The following TGM4 variants were observed in gnomAD, a reference collection of about 807,000 sequenced individuals.
TGM4 encodes the protein protein-glutamine gamma-glutamyltransferase 4.
A neutral mutation model predicts 76.3 loss-of-function variants in TGM4; 61 were observed. The ratio of observed to expected loss-of-function variants is 0.80; its 90% CI spans 0.65 to 0.99. The LOEUF is 0.99. TGM4 is among the 50% of genes least tolerant of loss of function. The pLI is 0.00. For synonymous variants in TGM4, 337 were observed against 329.8 expected, an observed-to-expected ratio of 1.02 and a Z score of -0.24; for missense variants, 794 against 843.2, an observed-to-expected ratio of 0.94 and a Z score of 0.72.
chr3:44,896,969 T>A (rs1699787501), intron 6 of TGM4, among the ~76,000 whole-genome samples, 153 bp downstream of exon 6: 3 of 151,892 alleles, frequency 2.0e-5, no homozygotes, highest in Non-Finnish European at 4.4e-5. Context: ...TAGACATTGC[T>A]GAAATCTGTT....
At chr3:44,892,064 C>G (rs992901171) in intron 4 of TGM4, among the ~76,000 whole-genome samples, 11 of 151,812 alleles carry the variant, frequency 7.2e-5, no homozygotes, top group Admixed American at 5.2e-4. Flanking sequence ...CAAGACCATC[C>G]TGGATAACAT....
chr3:44,887,803 C>G lies in TGM4; in HGVS notation c.300+8C>G. On this transcript the variant is annotated splice_region_variant and intron_variant, in intron 3 of 13. Transcript: ENST00000296125. ...AATGAGTCTGGCAAAGAGGTGAGCA[C>G]CCACTGGGCTGGCGGGTGGGCTGGC... is the stretch of plus-strand genomic sequence containing the variant. 1.2e-6 allele frequency: 2 copies of G among 1,613,644 alleles called. No individual in the cohort carries two copies. Among genetic ancestry groups the G allele is most frequent in the Non-Finnish European group, 1.7e-6 (2 of 1,179,570 alleles).
intron 1 of TGM4, 62 bp downstream of exon 1, chr3:44,874,759 C>G: frequency 6.2e-7 from 1 of 1,606,096 alleles, no homozygotes; most frequent in African/African-American, 1.3e-5. Flanking sequence ...CCCTAAACTG[C>G]TCTCTTGCCT....
In TGM4 at chr3:44,883,079, G is replaced by T. The variant is rs1297988677; in HGVS notation, c.20-2246G>T. ...TCACCCACCTGCCCAGTCCATGGGG[G>T]AGCAGGAATAAGTCAGAACATGGGA... On this transcript the variant is annotated intron_variant, in intron 1 of 13. Coordinates refer to ENST00000296125, the MANE Select transcript of TGM4 (RefSeq NM_003241.4). 2.0e-5 allele frequency among the ~76,000 whole-genome samples: 3 copies of T among 152,330 alleles called. No individual in the cohort carries two copies. In the Middle Eastern group the frequency reaches 0.01, roughly 518 times the overall value.
chr3:44,907,307 T>TGCA, intron 10 of TGM4, 107 bp downstream of exon 10: 1 of 618,378 alleles, frequency 1.6e-6, no homozygotes. Flanking sequence ...ACCCCATCCC[T>TGCA]ACCAAAAAAA....
At chr3:44,890,829 G>A in intron 4 of TGM4, 97 bp downstream of exon 4, 2 of 1,473,142 alleles carry the variant, frequency 1.4e-6, no homozygotes, top group South Asian at 2.6e-5. Context: ...TTGCTCTCAA[G>A]GTACTTGCAA....
intron 13 of TGM4, among the ~76,000 whole-genome samples, chr3:44,912,415 CCA>C (rs940852937): frequency 2.0e-4 from 30 of 152,136 alleles, no homozygotes; most frequent in Middle Eastern, 3.4e-3. Context: ...CTGTCAATTC[CCA>C]TATATATCTG....
At position 44,893,512 on chromosome 3, in the gene TGM4, A is replaced by C; in HGVS notation, c.431-65A>C. On this transcript the variant is annotated intron_variant, in intron 4 of 13. Coordinates refer to ENST00000296125, the MANE Select transcript of TGM4 (RefSeq NM_003241.4). ...ATCTCCCCCAGCACAGACAGTCCCC[A>C]TTGGCAAGCCTGCTCCTGTCCCAGG... 4.2e-6 allele frequency: 6 copies of C among 1,424,364 alleles called. 1 individual carries two copies. The South Asian group carries it at 5.7e-5, about 14-fold the overall frequency. 88.2% of individuals were successfully genotyped at this position (1,424,364 alleles called of 1,614,324 possible).
intron 9 of TGM4, among the ~76,000 whole-genome samples, chr3:44,906,490 C>T (rs1204530277): frequency 7.2e-6 from 1 of 139,662 alleles, no homozygotes; most frequent in Non-Finnish European, 1.5e-5. Context: ...GTTTTAGGCA[C>T]AGGGCTAAGT....
intron 8 of TGM4, among the ~76,000 whole-genome samples, chr3:44,903,076 C>T (rs914982692): frequency 1.3e-5 from 2 of 152,224 alleles, no homozygotes; most frequent in Admixed American, 1.3e-4. Flanking sequence ...ACAGTTGACC[C>T]TTGAACAGCA....
Position 44,890,569 on chromosome 3 carries a change from G to C in TGM4, c.301-34G>C, listed in dbSNP as rs552223177. 3.0e-5 allele frequency: 48 copies of C among 1,610,396 alleles called. No homozygotes were observed. The East Asian group carries it at 7.6e-4, about 25-fold the overall frequency. On this transcript the variant is annotated intron_variant, in intron 3 of 13. Transcript: ENST00000296125. ...GTAAGATTTGGGATCTGGCCAGAGG[G>C]GGAGATGTCCACCTTATCTTATGGT...
chr3:44,904,476 C>T lies in TGM4; in HGVS notation c.1075+489C>T, dbSNP rs139144629. The stretch of plus-strand genomic sequence containing the variant: ...TACCAACTTCTGGGTAAGACAGTGG[C>T]CCCTTGTAGCTGGAAGGACCTTGCC... On this transcript the variant is annotated intron_variant, in intron 9 of 13. Coordinates refer to ENST00000296125, the MANE Select transcript of TGM4 (RefSeq NM_003241.4). Among the ~76,000 whole-genome samples the T allele has an allele frequency of 1.4e-4, 21 of 152,228 alleles. No individual in the cohort carries two copies. In the East Asian group the frequency reaches 4.1e-3, roughly 29 times the overall value.
In TGM4 at chr3:44,914,304, A is replaced by G. The variant is rs1413707574; in HGVS notation, c.*579A>G. 1 of 153,182 alleles carries G rather than the reference A, an allele frequency of 6.5e-6. No individual in the cohort carries two copies. The highest frequency in any genetic ancestry group is 1.5e-5 in the Non-Finnish European group (1 of 68,778). 9.5% of individuals were successfully genotyped at this position (153,182 alleles called of 1,614,324 possible). ...AGCCCAATCTGCAAGGACATTTCTC[A>G]AGGGCCATGTGGTTTTGCAGACAAC... On this transcript the variant is annotated 3_prime_UTR_variant, in exon 14 of 14. Coordinates refer to ENST00000296125, the MANE Select transcript of TGM4 (RefSeq NM_003241.4).
chr3:44,885,972 A>G (rs886766027), intron 2 of TGM4, among the ~76,000 whole-genome samples: 2 of 152,158 alleles, frequency 1.3e-5, no homozygotes, highest in East Asian at 1.9e-4. Context: ...AAGAGAGAAA[A>G]TGTATTAGAT....
In TGM4 at chr3:44,893,654, G is replaced by A. The variant is rs780736878; in HGVS notation, c.508G>A (p.Ala170Thr). Residue 170 changes from alanine (A) to threonine (T), a missense_variant, in exon 5 of 14, where the codon GCT (alanine) becomes ACT (threonine). By Grantham distance (58) the Ala-to-Thr change is moderately conservative. Coordinates refer to ENST00000296125, the MANE Select transcript of TGM4 (RefSeq NM_003241.4). ...TGACACGGGCTGCCATTACGTGGGGGCTGCCAGAAGTATCAAATGCAAACC... is the reference window on the plus strand; with the variant it reads ...TGACACGGGCTGCCATTACGTGGGGACTGCCAGAAGTATCAAATGCAAACC... ...LNDTGCHYVGAARSIKCKPWN... is the reference protein window; with the variant it reads ...LNDTGCHYVGTARSIKCKPWN... 1 of 1,613,910 alleles carries A rather than the reference G, an allele frequency of 6.2e-7. No homozygotes were observed. Among genetic ancestry groups the A allele is most frequent in the Non-Finnish European group, 8.5e-7 (1 of 1,179,878 alleles).
intron 8 of TGM4, among the ~76,000 whole-genome samples, 159 bp downstream of exon 8, chr3:44,902,090 T>A (rs1319606290): frequency 5.3e-5 from 8 of 152,128 alleles, no homozygotes; most frequent in Non-Finnish European, 7.4e-5. Flanking sequence ...TGATTCCAGG[T>A]GCAAGCCACC....
In TGM4 at chr3:44,907,212, A is replaced by G. The variant is rs755020616; in HGVS notation, c.1327+12A>G. The G allele has an allele frequency of 1.2e-6, 2 of 1,612,674 alleles. No individual in the cohort carries two copies. Among genetic ancestry groups the G allele is most frequent in the Admixed American group, 1.7e-5 (1 of 59,966 alleles). The stretch of plus-strand genomic sequence containing the variant: ...CAAGTATCCAGAAGGTGCTAGCATC[A>G]CAGGGCTCCTTCTGACTCAGCCCCT... On this transcript the variant is annotated intron_variant, in intron 10 of 13. Transcript: ENST00000296125.
At chr3:44,882,025 A>C (rs1481022576) in intron 1 of TGM4, among the ~76,000 whole-genome samples, 2 of 150,218 alleles carry the variant, frequency 1.3e-5, no homozygotes, top group Admixed American at 1.3e-4. Flanking sequence ...CATCTATCCA[A>C]GTGCAATAGC....
intron 12 of TGM4, 29 bp downstream of exon 12, chr3:44,911,156 C>G: frequency 6.2e-7 from 1 of 1,611,428 alleles, no homozygotes; most frequent in Non-Finnish European, 8.5e-7. Flanking sequence ...ATAAAGGGCT[C>G]CTTCTGCCTG....
Sources: allele counts gnomAD v4.1 joint callset (sites outside exome capture counted in the v4.1 genomes callset), GRCh38; gene constraint gnomAD v4.1.1; transcripts MANE v1.5; gene names NCBI Gene and HGNC (gene_info 2026-07-23, HGNC 2026-07-21).